NDRG3: variants seen among roughly 807,000 people sequenced by gnomAD.
NDRG3 encodes protein NDRG3.
NDRG3 carries 23 observed loss-of-function variants against 57.2 expected under a neutral mutation model. The observed-to-expected ratio is 0.40, with a 90% CI of 0.29 to 0.57. The LOEUF is 0.57. Among genes scored for constraint, NDRG3 ranks in the 20% least tolerant of loss-of-function variants. The pLI, the probability that NDRG3 is intolerant of heterozygous loss-of-function variation, is 0.42. For missense variants in NDRG3, 384 were observed against 457.3 expected, an observed-to-expected ratio of 0.84 and a Z score of 1.46; for synonymous variants, 132 against 162.6, an observed-to-expected ratio of 0.81 and a Z score of 1.43.
intron 13 of NDRG3, among the ~76,000 whole-genome samples, chr20:36,659,986 A>C (rs968867046): frequency 1.3e-5 from 2 of 151,530 alleles, no homozygotes; most frequent in Non-Finnish European, 2.9e-5. Context: ...AGGTGGGTGG[A>C]TCACGAGGAC....
chr20:36,684,520 T>TCCCTCTCCCTCTCCCTCTCCCTC, intron 5 of NDRG3, 45 bp from the exon 6 acceptor site: 2 of 1,529,764 alleles, frequency 1.3e-6, no homozygotes, highest in Non-Finnish European at 9.1e-7. Flanking sequence ...GCACTCACAA[T>TCCCTCTCCCTCTCCCTCTCCCTC]TCCCAGTTGC....
chr20:36,726,865 C>T (rs1316473089), intron 1 of NDRG3, among the ~76,000 whole-genome samples: 1 of 151,892 alleles, frequency 6.6e-6, no homozygotes, highest in African/African-American at 2.4e-5. Context: ...AATCTCGGCA[C>T]CTTATGTTTA....
intron 1 of NDRG3, among the ~76,000 whole-genome samples, chr20:36,743,706 T>G (rs947780042): frequency 6.7e-6 from 1 of 148,732 alleles, no homozygotes; most frequent in Non-Finnish European, 1.5e-5. Flanking sequence ...TAGTCCCAGC[T>G]GCTCAGGAGG....
intron 3 of NDRG3, among the ~76,000 whole-genome samples, chr20:36,702,480 G>A (rs1983298548): frequency 6.6e-6 from 1 of 151,974 alleles, no homozygotes; most frequent in Admixed American, 6.6e-5. Flanking sequence ...CCAATAAGCA[G>A]GCTACTGTAT....
chr20:36,686,705 C>A (rs1259655590), intron 5 of NDRG3, among the ~76,000 whole-genome samples: 2 of 152,170 alleles, frequency 1.3e-5, no homozygotes, highest in African/African-American at 4.8e-5. Flanking sequence ...CACCCCACAC[C>A]TCTATCTGCC....
intron 7 of NDRG3, 138 bp downstream of exon 7, chr20:36,682,380 C>T (rs764483554): frequency 1.6e-6 from 1 of 633,820 alleles, no homozygotes; most frequent in Non-Finnish European, 2.8e-6. Context: ...CTTTATACAA[C>T]CTGTATCTAA....
At chr20:36,717,657 G>A (rs1038433070) in intron 2 of NDRG3, among the ~76,000 whole-genome samples, 1 of 150,546 alleles carries the variant, frequency 6.6e-6, no homozygotes, top group Non-Finnish European at 1.5e-5. Context: ...TTCTGAGAGA[G>A]AGAATGTATG....
intron 1 of NDRG3, among the ~76,000 whole-genome samples, chr20:36,735,369 C>T (rs997521938): frequency 7.9e-5 from 12 of 152,146 alleles, no homozygotes; most frequent in African/African-American, 2.9e-4. Context: ...TTCAAATATT[C>T]CAAAATTGGA....
intron 8 of NDRG3, among the ~76,000 whole-genome samples, chr20:36,675,747 C>T (rs564446200): frequency 6.6e-6 from 1 of 152,118 alleles, no homozygotes; most frequent in African/African-American, 2.4e-5. Context: ...GTCTCTAACT[C>T]GTGGGCTCAA....
At chr20:36,670,462 G>A (rs1980048555) in intron 9 of NDRG3, among the ~76,000 whole-genome samples, 1 of 152,096 alleles carries the variant, frequency 6.6e-6, no homozygotes, top group Non-Finnish European at 1.5e-5. Context: ...TGAAATAAAA[G>A]ACTGTGGATT....
chr20:36,664,950 A>G, intron 12 of NDRG3, 96 bp downstream of exon 12: 1 of 1,254,280 alleles, frequency 8.0e-7, no homozygotes, highest in Non-Finnish European at 1.2e-6. Context: ...CAGCCTCTCA[A>G]AGTGTTGGGA....
At position 36,687,490 on chromosome 20, in the gene NDRG3, A is replaced by G; in HGVS notation, c.320+2T>C. 1 of 1,613,110 alleles carries G rather than the reference A, an allele frequency of 6.2e-7. No individual in the cohort carries two copies. Among genetic ancestry groups the G allele is most frequent in the Non-Finnish European group, 8.5e-7 (1 of 1,179,798 alleles). On this transcript the variant is annotated splice_donor_variant, in intron 5 of 15. Coordinates refer to ENST00000349004, the MANE Select transcript of NDRG3 (RefSeq NM_032013.4). LOFTEE classifies it high-confidence loss of function. ...TCCCAGATGATCTTTTCGTGGCCTT[A>G]CCCTGTTGGGAAAGAGGGTGCACCT...
At chr20:36,732,995 A>C (rs1330726587) in intron 1 of NDRG3, among the ~76,000 whole-genome samples, 1 of 150,848 alleles carries the variant, frequency 6.6e-6, no homozygotes, top group Non-Finnish European at 1.5e-5. Flanking sequence ...AAAAATACAA[A>C]AATTAGCCGG....
chr20:36,739,275 C>T (rs1985791122), intron 1 of NDRG3, among the ~76,000 whole-genome samples: 1 of 144,564 alleles, frequency 6.9e-6, no homozygotes, highest in African/African-American at 2.6e-5. Flanking sequence ...GGTGAAACCT[C>T]GTCTCTACTA....
chr20:36,661,385 C>T (rs1041808811), intron 12 of NDRG3, among the ~76,000 whole-genome samples: 2 of 152,198 alleles, frequency 1.3e-5, no homozygotes, highest in Admixed American at 6.5e-5. Flanking sequence ...CTATTTTGAT[C>T]AACTGGATTT....
intron 1 of NDRG3, among the ~76,000 whole-genome samples, chr20:36,727,128 C>G (rs532310867): frequency 6.6e-6 from 1 of 152,260 alleles, no homozygotes; most frequent in South Asian, 2.1e-4. Flanking sequence ...GTTAGCAAGG[C>G]TGGTCTCAAA....
At chr20:36,673,795 T>G (rs552632788) in intron 8 of NDRG3, among the ~76,000 whole-genome samples, 1 of 152,288 alleles carries the variant, frequency 6.6e-6, no homozygotes, top group South Asian at 2.1e-4. Context: ...GTCCTGAGGC[T>G]GAAAAGTTAA....
chr20:36,684,537 A>T, intron 5 of NDRG3, 62 bp from the exon 6 acceptor site: 1 of 1,441,806 alleles, frequency 6.9e-7, no homozygotes, highest in Non-Finnish European at 9.8e-7. Context: ...TTGCTAGAAC[A>T]GCTGGAAAGG....
chr20:36,706,040 C>T (rs896718316), intron 3 of NDRG3, among the ~76,000 whole-genome samples: 2 of 152,136 alleles, frequency 1.3e-5, no homozygotes, highest in African/African-American at 2.4e-5. Context: ...CCACTGTGTC[C>T]GGTCCTTAGT....
Sources: gnomAD v4.1 joint callset for allele counts (sites outside exome capture counted in the v4.1 genomes callset) on GRCh38, gnomAD v4.1.1 for gene constraint, MANE v1.5 for transcripts, NCBI Gene and HGNC (gene_info 2026-07-23, HGNC 2026-07-21) for gene names.